The following BRF1 variants were observed in gnomAD, a reference collection of about 807,000 sequenced individuals.
BRF1 encodes BRF1 general transcription factor IIIB subunit.
In BRF1, 59 loss-of-function variants were observed where a neutral mutation model predicts 81.7. That is an observed-to-expected ratio of 0.72 (90% CI 0.59 to 0.90). The LOEUF (loss-of-function observed/expected upper bound fraction) is 0.90, where lower values mean the gene tolerates loss of function less well. BRF1 is among the 40% of genes least tolerant of loss of function. BRF1 has a pLI of 0.00. For synonymous variants in BRF1, 491 were observed against 395.6 expected, an observed-to-expected ratio of 1.24 and a Z score of -2.86; for missense variants, 1,050 against 936.3, an observed-to-expected ratio of 1.12 and a Z score of -1.58.
At chr14:105,283,072 C>T (rs911113050) in intron 2 of BRF1, among the ~76,000 whole-genome samples, 4 of 152,292 alleles carry the variant, frequency 2.6e-5, no homozygotes, top group East Asian at 3.9e-4. Flanking sequence ...TTGAAAAATA[C>T]GTTAGGATCT....
rs144263246 is a variant in BRF1, at chr14:105,284,022, C to T, written c.265+2274G>A. On this transcript the variant is annotated intron_variant, in intron 2 of 17. Coordinates refer to ENST00000547530, the MANE Select transcript of BRF1 (RefSeq NM_001519.4). The surrounding 1 kb of genome is among the most constrained non-coding windows in gnomAD (Gnocchi z 4.0). ...TGACAAAACTGTGGGTAGGACAGGA[C>T]GGATCCAGTCACTGTGCCAGGTCTT... Among the ~76,000 whole-genome samples, 13 of 151,770 alleles carry T rather than the reference C, an allele frequency of 8.6e-5. No homozygotes were observed. The highest frequency in any genetic ancestry group is 3.4e-3 in the Middle Eastern group (1 of 294).
rs1270881351 is a variant in BRF1, at chr14:105,300,783, C to A, written c.-154G>T. On this transcript the variant is annotated 5_prime_UTR_variant, in exon 1 of 18. Transcript: ENST00000547530. ...CAGCCGATTCGCAGCCGCAGATTCGCCGCGCGCGCCCGGGCCGCGCCGCCC... is the reference window on the plus strand; with the variant it reads ...CAGCCGATTCGCAGCCGCAGATTCGACGCGCGCGCCCGGGCCGCGCCGCCC... The A allele has an allele frequency of 1.3e-5, 6 of 447,056 alleles. No individual in the cohort carries two copies. Among genetic ancestry groups the A allele is most frequent in the Non-Finnish European group, 1.9e-5 (6 of 313,054 alleles). The allele number at this position is 447,056 out of a possible 1,614,324, so 27.7% of individuals were successfully genotyped here.
At chr14:105,259,474 A>G (rs180829387) in intron 3 of BRF1, among the ~76,000 whole-genome samples, 180 of 152,320 alleles carry the variant, frequency 1.2e-3, no homozygotes, top group Non-Finnish European at 1.4e-3. Flanking sequence ...TCCACAAAAA[A>G]ACTTGTAGAA....
intron 15 of BRF1, among the ~76,000 whole-genome samples, chr14:105,216,568 A>G (rs1428396768): frequency 6.6e-6 from 1 of 152,184 alleles, no homozygotes; most frequent in African/African-American, 2.4e-5. Flanking sequence ...GCTCCCTCAC[A>G]GAGTAGCACC....
At chr14:105,215,852 G>GCA (rs756067845) in intron 15 of BRF1, among the ~76,000 whole-genome samples, 10 of 97,510 alleles carry the variant, frequency 1.0e-4, no homozygotes, top group East Asian at 6.5e-4. Context: ...ACAGACACAG[G>GCA]CACACACACA....
At chr14:105,228,948 G>A (rs1418035450) in intron 6 of BRF1, 35 bp from the exon 7 acceptor site, 11 of 1,600,976 alleles carry the variant, frequency 6.9e-6, no homozygotes, top group Admixed American at 3.3e-5. Context: ...GTCAACCACG[G>A]CTGGGAACCA....
rs746894924 is a variant in BRF1, at chr14:105,211,195, C to A, written c.1923G>T (p.Glu641Asp). The change falls in exon 17 of 18, where the codon GAG (glutamate) becomes GAT (aspartate). Residue 641 changes from glutamate to aspartate, a missense_variant. Physicochemically the swap from Glu to Asp is conservative, Grantham distance 45. Coordinates refer to ENST00000547530, the MANE Select transcript of BRF1 (RefSeq NM_001519.4). Reference sequence around the variant, plus strand: ...CCTCGTCAGGCTCCTCCTCGTCAGCCTCCTCGTCGGCGTGGTATGACACGG... The same window carrying A: ...CCTCGTCAGGCTCCTCCTCGTCAGCATCCTCGTCGGCGTGGTATGACACGG... ...SGPVSYHADE[E>D]ADEEEPDEED... The A allele has an allele frequency of 6.2e-6, 10 of 1,612,132 alleles. No homozygotes were observed. Among genetic ancestry groups the A allele is most frequent in the Non-Finnish European group, 6.8e-6 (8 of 1,179,886 alleles).
At chr14:105,298,612 T>C (rs587662830) in intron 1 of BRF1, among the ~76,000 whole-genome samples, 1 of 152,290 alleles carries the variant, frequency 6.6e-6, no homozygotes, top group African/African-American at 2.4e-5. Flanking sequence ...CCCAGCACTT[T>C]GGGAGGCTGA....
At chr14:105,249,640 G>A in intron 5 of BRF1, 4 of 1,609,154 alleles carry the variant, frequency 2.5e-6, no homozygotes, top group Non-Finnish European at 3.4e-6. Context: ...CCTCGCCTAG[G>A]TACATGTACA....
rs1023953257 is a variant in BRF1 at position 105,309,051 on chromosome 14, A to T, written c.-162+6271T>A. Among the ~76,000 whole-genome samples, 2 of 152,152 alleles carry T rather than the reference A, an allele frequency of 1.3e-5. No individual in the cohort carries two copies. The highest frequency in any genetic ancestry group is 4.8e-5 in the African/African-American group (2 of 41,446). ...AATCCATCCTGCACGAAGAGCACTG[A>T]GGTTGAGTGTTGGTTGACACGTGTT... On this transcript the variant is annotated intron_variant, in intron 1 of 17. Transcript: ENST00000327359. This position sits in a 1 kb window ranked among gnomAD's most constrained non-coding sequence, Gnocchi z 4.0.
At chr14:105,283,907 A>T (rs2057214382) in intron 2 of BRF1, among the ~76,000 whole-genome samples, 1 of 152,202 alleles carries the variant, frequency 6.6e-6, no homozygotes. Context: ...TGAGGTCAGG[A>T]GGGCCCCTGG....
At chr14:105,307,286 A>G (rs1305116216) in intron 1 of BRF1, among the ~76,000 whole-genome samples, 3 of 152,026 alleles carry the variant, frequency 2.0e-5, no homozygotes, top group Non-Finnish European at 4.4e-5. Context: ...ATTCCTGAAC[A>G]CTAGCCCCCT....
chr14:105,300,591 G>C lies in BRF1; in HGVS notation c.39C>G (p.Asp13Glu). The C allele has an allele frequency of 1.4e-6, 2 of 1,463,542 alleles. No homozygotes were observed. Among genetic ancestry groups the C allele is most frequent in the Non-Finnish European group, 1.8e-6 (2 of 1,111,270 alleles). 90.7% of individuals were successfully genotyped at this position (1,463,542 alleles called of 1,614,324 possible). Reference sequence around the variant, plus strand: ...CCCCGCGCGCCGCGTCCAGCTCGATGTCCGTGCCGCCGCAACCGCGGCACA... The same window carrying C: ...CCCCGCGCGCCGCGTCCAGCTCGATCTCCGTGCCGCCGCAACCGCGGCACA... ...GRVCRGCGGT[D>E]IELDAARGDA... Residue 13 changes from aspartate to glutamate, a missense_variant, in exon 1 of 18, where the codon GAC becomes GAG. By Grantham distance (45) the Asp-to-Glu change is conservative (BLOSUM62 2). This residue lies in a region of BRF1 where 1,043 missense variants were observed against 915.4 expected (regional missense o/e 1.14). Transcript: ENST00000547530.
rs1427457272 is a variant in BRF1 at position 105,284,864 on chromosome 14, A to C, written c.265+1432T>G. ...ACACGATCTTGTACCGAAAATCCTA[A>C]GTGATCCGCTAAAAAACTATTCAGC... On this transcript the variant is annotated intron_variant, in intron 2 of 17. Coordinates refer to ENST00000547530, the MANE Select transcript of BRF1 (RefSeq NM_001519.4). The surrounding 1 kb of genome is among the most constrained non-coding windows in gnomAD (Gnocchi z 4.0). 1.3e-5 allele frequency among the ~76,000 whole-genome samples: 2 copies of C among 152,252 alleles called. No homozygotes were observed. Among genetic ancestry groups the C allele is most frequent in the Non-Finnish European group, 2.9e-5 (2 of 68,040 alleles).
upstream of BRF1, among the ~76,000 whole-genome samples, chr14:105,304,917 G>A (rs1166414906): frequency 6.6e-6 from 1 of 152,200 alleles, no homozygotes; most frequent in Non-Finnish European, 1.5e-5. Flanking sequence ...CTCCCACCAG[G>A]TCCCTCCACA....
intron 8 of BRF1, 145 bp from the exon 9 acceptor site, chr14:105,226,435 C>T (rs587734855): frequency 8.3e-6 from 12 of 1,439,510 alleles, no homozygotes; most frequent in Admixed American, 1.9e-5. Context: ...GGGCCTGTGT[C>T]CCCCATGGGA....
chr14:105,259,681 G>A (rs977657969), intron 3 of BRF1, among the ~76,000 whole-genome samples: 3 of 152,152 alleles, frequency 2.0e-5, no homozygotes, highest in South Asian at 2.1e-4. Context: ...AGGCCAAGGC[G>A]GGCAGTCACT....
At chr14:105,252,800 C>T (rs139551138) in intron 4 of BRF1, among the ~76,000 whole-genome samples, 163 of 152,332 alleles carry the variant, frequency 1.1e-3, no homozygotes, top group African/African-American at 3.8e-3. Context: ...GCTGCCGTCT[C>T]GCCAATGATG....
At chr14:105,224,537 C>T (rs1406718461) in intron 10 of BRF1, among the ~76,000 whole-genome samples, 1 of 152,134 alleles carries the variant, frequency 6.6e-6, no homozygotes, top group African/African-American at 2.4e-5. Context: ...TTAAAACATC[C>T]CACTCTGGAT....
Sources: gnomAD v4.1 joint callset for allele counts (sites outside exome capture counted in the v4.1 genomes callset) on GRCh38, gnomAD v4.1.1 for gene constraint, gnomAD v4.1.1 regional missense constraint, Gnocchi (gnomAD v3.1) non-coding constraint, MANE v1.5 for transcripts, NCBI Gene and HGNC (gene_info 2026-07-23, HGNC 2026-07-21) for gene names.